The following MRPS18B variants were observed in gnomAD, a reference collection of about 807,000 sequenced individuals.
The protein encoded by MRPS18B is mitochondrial ribosomal protein S18B, also known as small ribosomal subunit protein mS40.
MRPS18B carries 27 observed loss-of-function variants against 28.4 expected under a neutral mutation model. That is an observed-to-expected ratio of 0.95 (90% CI 0.70 to 1.31). MRPS18B has a LOEUF of 1.31. Among genes scored for constraint, MRPS18B ranks in the 40% most tolerant of loss-of-function variants. The pLI is 0.00. For missense variants in MRPS18B, 343 were observed against 335.9 expected, an observed-to-expected ratio of 1.02 and a Z score of -0.17; for synonymous variants, 118 against 123.7, an observed-to-expected ratio of 0.95 and a Z score of 0.30.
chr6:30,623,373 T>C (rs940487231), intron 5 of MRPS18B, among the ~76,000 whole-genome samples: 2 of 152,108 alleles, frequency 1.3e-5, no homozygotes, highest in Non-Finnish European at 2.9e-5. Flanking sequence ...CAAGTACTTC[T>C]GTAAGCAAAC....
chr6:30,622,146 A>C (rs1761195085), intron 4 of MRPS18B, among the ~76,000 whole-genome samples: 1 of 152,190 alleles, frequency 6.6e-6, no homozygotes, highest in South Asian at 2.1e-4. Flanking sequence ...TATAAATTAT[A>C]TTCAGCATAC....
In MRPS18B at chr6:30,619,790, C is replaced by T. The variant is rs1382877584; in HGVS notation, c.269C>T (p.Thr90Ile). The change falls in exon 3 of 7, where the codon ACT (threonine) becomes ATT (isoleucine). Residue 90 changes from threonine to isoleucine, a missense_variant. Transcript: ENST00000259873. ...NHKGGVPPQR[T>I]RKTCIRRNKV... ...AAGGGTGGTGTACCCCCACAGCGGA[C>T]TCGGAAGACATGTATTGTGAGTTTC... is the stretch of plus-strand genomic sequence containing the variant. The T allele has an allele frequency of 1.9e-6, 3 of 1,614,102 alleles. No individual in the cohort carries two copies. The highest frequency in any genetic ancestry group is 2.5e-6 in the Non-Finnish European group (3 of 1,180,030).
chr6:30,619,925 G>A lies in MRPS18B; in HGVS notation c.290G>A (p.Arg97Gln), dbSNP rs751988622. 1.3e-5 allele frequency: 21 copies of A among 1,613,948 alleles called. No homozygotes were observed. Among genetic ancestry groups the A allele is most frequent in the African/African-American group, 5.3e-5 (4 of 74,884 alleles). ...PQRTRKTCIR[R>Q]NKVVGNPCPI... ...CTGTTTTTTTTCTCTCTACAGCGTCGGAATAAAGTTGTTGGGAATCCCTGC... is the reference window on the plus strand; with the variant it reads ...CTGTTTTTTTTCTCTCTACAGCGTCAGAATAAAGTTGTTGGGAATCCCTGC... Residue 97 changes from arginine to glutamine, a missense_variant, in exon 4 of 7, where the codon CGG becomes CAG. By Grantham distance (43) the Arg-to-Gln change is conservative. Transcript: ENST00000259873.
intron 4 of MRPS18B, among the ~76,000 whole-genome samples, chr6:30,621,834 C>T (rs1238723079): frequency 6.6e-6 from 1 of 152,154 alleles, no homozygotes; most frequent in Non-Finnish European, 1.5e-5. Context: ...GTAGTCCCAG[C>T]TTCTCAGGAG....
chr6:30,620,253 C>T, intron 4 of MRPS18B: 1 of 427,330 alleles, frequency 2.3e-6, no homozygotes, highest in Non-Finnish European at 4.3e-6. Flanking sequence ...GGAGGCAGAG[C>T]TTGCGGTGAG....
chr6:30,620,332 T>G (rs1318595554), intron 4 of MRPS18B, among the ~76,000 whole-genome samples: 1 of 151,008 alleles, frequency 6.6e-6, no homozygotes, highest in East Asian at 1.9e-4. Context: ...AAAAATAAAA[T>G]AAAATAAAAA....
At position 30,620,001 on chromosome 6, in the gene MRPS18B, C is replaced by G. The variant is rs865871484; in HGVS notation, c.354+12C>G. On this transcript the variant is annotated intron_variant, in intron 4 of 6. Coordinates refer to ENST00000259873, the MANE Select transcript of MRPS18B (RefSeq NM_014046.4). ...ATGTTGACTTTAGGGTAAGGAGAGT[C>G]TTTTCTTTTTAGGGTAAGAAAAATA... The G allele has an allele frequency of 1.9e-6, 3 of 1,612,556 alleles. No individual in the cohort carries two copies. The highest frequency in any genetic ancestry group is 2.2e-5 in the East Asian group (1 of 44,884).
rs147201268 is a variant in MRPS18B at position 30,619,725 on chromosome 6, T to C, written c.204T>C (p.Tyr68=). The C allele has an allele frequency of 5.8e-5, 94 of 1,614,146 alleles. No homozygotes were observed. The highest frequency in any genetic ancestry group is 7.3e-5 in the Non-Finnish European group (86 of 1,180,030). Residue 68 remains tyrosine, a synonymous_variant, in exon 3 of 7, where the codon TAT becomes TAC. Transcript: ENST00000259873. ...TCATTTCAGAATACCAGGAGCGATA[T>C]GGTTCTCGCCCCGTCTGGGCTGACT... ...YLESEEYQER[Y]GSRPVWADYR...
At chr6:30,624,461 A>G (rs971166949) in intron 5 of MRPS18B, among the ~76,000 whole-genome samples, 1 of 152,204 alleles carries the variant, frequency 6.6e-6, no homozygotes, top group African/African-American at 2.4e-5. Flanking sequence ...CAGTTTGTCA[A>G]GAGTTTCTTA....
At chr6:30,625,150 C>T (rs1761431930) in intron 6 of MRPS18B, among the ~76,000 whole-genome samples, 1 of 152,200 alleles carries the variant, frequency 6.6e-6, no homozygotes, top group Non-Finnish European at 1.5e-5. Context: ...CCATCCTTTT[C>T]CCTCCTATTT....
rs776913879 is a variant in MRPS18B, at chr6:30,625,563, T to C, written c.543T>C (p.His181=). 1.9e-5 allele frequency: 30 copies of C among 1,606,338 alleles called. No homozygotes were observed. Among genetic ancestry groups the C allele is most frequent in the Non-Finnish European group, 2.6e-5 (30 of 1,174,520 alleles). Reference sequence around the variant, plus strand: ...GGGACCTTGACTTCAGTACCTCTCATGGGGCTGTGAGTGCTACTCCGCCAG... The same window carrying C: ...GGGACCTTGACTTCAGTACCTCTCACGGGGCTGTGAGTGCTACTCCGCCAG... ...EPRDLDFSTS[H]GAVSATPPAP... Residue 181 remains histidine, a synonymous_variant, in exon 7 of 7, where the codon CAT becomes CAC. Coordinates refer to ENST00000259873, the MANE Select transcript of MRPS18B (RefSeq NM_014046.4).
intron 4 of MRPS18B, among the ~76,000 whole-genome samples, chr6:30,621,432 T>TA (rs1367512964): frequency 2.6e-5 from 4 of 152,050 alleles, no homozygotes; most frequent in Admixed American, 2.6e-4. Context: ...TTTGAAAACA[T>TA]TATATCAATA....
chr6:30,618,083 C>CG (rs1760843685), intron 1 of MRPS18B, 140 bp downstream of exon 1: 1 of 804,126 alleles, frequency 1.2e-6, no homozygotes, highest in South Asian at 1.6e-5. Flanking sequence ...TGCAACCCCC[C>CG]CCCCACACCC....
chr6:30,622,684 GACATGAA>G, intron 4 of MRPS18B, 141 bp from the exon 5 acceptor site: 1 of 684,882 alleles, frequency 1.5e-6, no homozygotes, highest in Non-Finnish European at 2.6e-6. Context: ...GCCAAACTGG[GACATGAA>G]GGAGGATGGC....
At chr6:30,619,462 C>A in intron 1 of MRPS18B, 31 bp from the exon 2 acceptor site, 1 of 1,569,276 alleles carries the variant, frequency 6.4e-7, no homozygotes, top group Admixed American at 1.7e-5. Context: ...TCCTTAAACT[C>A]ATTCTTTTAT....
In MRPS18B at chr6:30,625,546, G is replaced by C; in HGVS notation, c.526G>C (p.Asp176His). 1 of 1,586,516 alleles carries C rather than the reference G, an allele frequency of 6.3e-7. No individual in the cohort carries two copies. The highest frequency in any genetic ancestry group is 8.6e-7 in the Non-Finnish European group (1 of 1,159,540). ...CCCCCAGGTTGAACCACGGGACCTT[G>C]ACTTCAGTACCTCTCATGGGGCTGT... ...HIPQVEPRDLDFSTSHGAVSA... is the reference protein window; with the variant it reads ...HIPQVEPRDLHFSTSHGAVSA... The change falls in exon 7 of 7, where the codon GAC becomes CAC. Residue 176 changes from aspartate to histidine, a missense_variant. Physicochemically the swap from Asp to His is moderately conservative, Grantham distance 81. Coordinates refer to ENST00000259873, the MANE Select transcript of MRPS18B (RefSeq NM_014046.4).
At chr6:30,621,303 G>C (rs921548834) in intron 4 of MRPS18B, among the ~76,000 whole-genome samples, 1 of 152,246 alleles carries the variant, frequency 6.6e-6, no homozygotes, top group African/African-American at 2.4e-5. Context: ...TTGGGAGGCT[G>C]AGGCAGGAGA....
chr6:30,624,116 C>G (rs1385784416), intron 5 of MRPS18B, among the ~76,000 whole-genome samples: 2 of 149,238 alleles, frequency 1.3e-5, no homozygotes, highest in African/African-American at 5.0e-5. Flanking sequence ...GGGATGAAAT[C>G]TCATTTACTC....
At chr6:30,618,022 C>T (rs992081546) in intron 1 of MRPS18B, 79 bp downstream of exon 1, 2 of 1,486,654 alleles carry the variant, frequency 1.3e-6, no homozygotes, top group African/African-American at 2.8e-5. Context: ...GTCAGGAATC[C>T]ACGAGTGGAG....
Sources: gnomAD v4.1 joint callset for allele counts (sites outside exome capture counted in the v4.1 genomes callset) on GRCh38, gnomAD v4.1.1 for gene constraint, MANE v1.5 for transcripts, NCBI Gene and HGNC (gene_info 2026-07-23, HGNC 2026-07-21) for gene names.